The following STARD13 variants were observed in gnomAD, a reference collection of about 807,000 sequenced individuals.
STARD13 encodes the protein StAR related lipid transfer domain containing 13, also known as stAR-related lipid transfer protein 13.
Under a neutral mutation model 106.4 loss-of-function variants are expected in STARD13, and 62 were observed. The observed-to-expected ratio is 0.58, with a 90% confidence interval of 0.48 to 0.72. The LOEUF (loss-of-function observed/expected upper bound fraction) is 0.72. Ranked by LOEUF, STARD13 falls within the 30% of genes least tolerant of loss-of-function variation. STARD13 has a pLI of 0.00. For missense variants in STARD13, 1,387 were observed against 1,424.0 expected (o/e 0.97, Z 0.42); for synonymous variants, 565 against 553.0 (o/e 1.02, Z -0.31).
chr13:33,382,039 T>C, the STARD13 span, among the ~76,000 whole-genome samples: 1 of 152,184 alleles, frequency 6.6e-6, no homozygotes, highest in Non-Finnish European at 1.5e-5. Flanking sequence ...CTGAAGATCT[T>C]CTTGGCTCCT....
chr13:33,459,684 C>T, the STARD13 span, among the ~76,000 whole-genome samples: 1 of 152,270 alleles, frequency 6.6e-6, no homozygotes, highest in East Asian at 1.9e-4. Flanking sequence ...TTCGTGCTTC[C>T]ATATTGTGCT....
intron 1 of STARD13, among the ~76,000 whole-genome samples, chr13:33,257,970 AG>A (rs1342908437): frequency 6.6e-6 from 1 of 152,254 alleles, no homozygotes; most frequent in East Asian, 1.9e-4. Flanking sequence ...TGTGTTGGCA[AG>A]AGCCCTTTGG....
chr13:33,595,810 G>GT, the STARD13 span, among the ~76,000 whole-genome samples: 3 of 152,162 alleles, frequency 2.0e-5, no homozygotes. Context: ...ATTTAATCAC[G>GT]TATTAAAATA....
the STARD13 span, among the ~76,000 whole-genome samples, chr13:33,515,615 A>T: frequency 6.6e-6 from 1 of 152,140 alleles, no homozygotes; most frequent in Non-Finnish European, 1.5e-5. Context: ...TCAGTGTATC[A>T]GCTTGTTGGT....
At chr13:33,251,631 A>G (rs758568998) in intron 1 of STARD13, among the ~76,000 whole-genome samples, 1 of 152,234 alleles carries the variant, frequency 6.6e-6, no homozygotes, top group Non-Finnish European at 1.5e-5. Context: ...AAGTGGATGC[A>G]CATGTTTGCA....
chr13:33,407,917 T>C, the STARD13 span, among the ~76,000 whole-genome samples: 1 of 152,188 alleles, frequency 6.6e-6, no homozygotes, highest in Non-Finnish European at 1.5e-5. Flanking sequence ...TTGGGAATAA[T>C]TGTAGCAATG....
chr13:33,241,341 G>A (rs1396049574), intron 1 of STARD13, among the ~76,000 whole-genome samples: 4 of 152,060 alleles, frequency 2.6e-5, no homozygotes, highest in Non-Finnish European at 4.4e-5. Context: ...AATAACTTGG[G>A]TATTCAACAC....
chr13:33,160,501 C>T (rs149762355), intron 3 of STARD13, among the ~76,000 whole-genome samples: 5 of 152,220 alleles, frequency 3.3e-5, no homozygotes, highest in Non-Finnish European at 7.4e-5. Flanking sequence ...ACTGAAAATG[C>T]AAGCTACAGC....
chr13:33,392,432 C>T, the STARD13 span, among the ~76,000 whole-genome samples: 1 of 152,156 alleles, frequency 6.6e-6, no homozygotes, highest in Non-Finnish European at 1.5e-5. Context: ...CAGAGTCTCA[C>T]TCTGTCGCCC....
the STARD13 span, among the ~76,000 whole-genome samples, chr13:33,358,149 G>A: frequency 1.3e-5 from 2 of 152,238 alleles, no homozygotes; most frequent in African/African-American, 2.4e-5. Context: ...GGGTGTACTG[G>A]GTCCCCCAGC....
intron 3 of STARD13, among the ~76,000 whole-genome samples, chr13:33,153,226 C>T (rs1881517895): frequency 6.6e-6 from 1 of 152,182 alleles, no homozygotes; most frequent in African/African-American, 2.4e-5. Context: ...ACCAAGCACC[C>T]ACGATATACC....
the STARD13 span, among the ~76,000 whole-genome samples, chr13:33,591,926 T>C: frequency 6.6e-6 from 1 of 152,252 alleles, no homozygotes; most frequent in African/African-American, 2.4e-5. Flanking sequence ...ATGAATTTTA[T>C]ATTAATTATG....
chr13:33,422,692 C>G, the STARD13 span, among the ~76,000 whole-genome samples: 29 of 152,310 alleles, frequency 1.9e-4, 1 homozygote, highest in African/African-American at 7.0e-4. Context: ...TGACTTCGAA[C>G]TTTACTACAA....
At chr13:33,341,365 G>A (rs997710722) in intron 1 of STARD13, among the ~76,000 whole-genome samples, 6 of 152,070 alleles carry the variant, frequency 3.9e-5, no homozygotes, top group Admixed American at 1.3e-4. Context: ...ACGGCATGGC[G>A]CGGTGCCTCA....
chr13:33,627,321 G>T, the STARD13 span, among the ~76,000 whole-genome samples: 5 of 152,242 alleles, frequency 3.3e-5, no homozygotes, highest in East Asian at 5.8e-4. Context: ...CTTGTAGATA[G>T]GTACATCTAT....
the STARD13 span, among the ~76,000 whole-genome samples, chr13:33,576,295 T>A: frequency 1.3e-5 from 2 of 152,190 alleles, no homozygotes; most frequent in Admixed American, 6.5e-5. Context: ...CCATCATAAC[T>A]CACTGCAGCC....
At chr13:33,320,258 T>C (rs909589492) in intron 1 of STARD13, among the ~76,000 whole-genome samples, 2 of 152,224 alleles carry the variant, frequency 1.3e-5, no homozygotes, top group Non-Finnish European at 2.9e-5. Flanking sequence ...GTTGGAACTA[T>C]TGAGTGACTT....
the STARD13 span, among the ~76,000 whole-genome samples, chr13:33,491,353 C>T: frequency 4.6e-5 from 7 of 152,192 alleles, no homozygotes; most frequent in Non-Finnish European, 1.0e-4. Context: ...TGTCTAAGAT[C>T]AGAGCAGTCC....
chr13:33,361,438 CAA>C, the STARD13 span, among the ~76,000 whole-genome samples: 1 of 152,146 alleles, frequency 6.6e-6, no homozygotes, highest in African/African-American at 2.4e-5. Flanking sequence ...TCTGGGGAGT[CAA>C]AAGTCATACT....
Sources: allele counts gnomAD v4.1 joint callset (sites outside exome capture counted in the v4.1 genomes callset), GRCh38; gene constraint gnomAD v4.1.1; transcripts MANE v1.5; gene names NCBI Gene and HGNC (gene_info 2026-07-23, HGNC 2026-07-21).